CCDC30: variants seen among roughly 807,000 people sequenced by gnomAD.
CCDC30 encodes the protein coiled-coil domain containing 30.
CCDC30 carries 70 observed loss-of-function variants against 100.2 expected under a neutral mutation model. That is an observed-to-expected ratio of 0.70 (90% confidence interval 0.58 to 0.85). The LOEUF (loss-of-function observed/expected upper bound fraction) is 0.85. Ranked by LOEUF, CCDC30 falls within the 40% of genes least tolerant of loss-of-function variation. CCDC30 has a pLI of 0.00. For missense variants in CCDC30, 652 were observed against 771.2 expected, an observed-to-expected ratio of 0.85 and a Z score of 1.83; for synonymous variants, 233 against 269.5, an observed-to-expected ratio of 0.86 and a Z score of 1.33.
intron 6 of CCDC30, among the ~76,000 whole-genome samples, chr1:42,540,618 G>C (rs567022051): frequency 6.6e-6 from 1 of 151,334 alleles, no homozygotes; most frequent in African/African-American, 2.4e-5. Context: ...ACATGGTATC[G>C]TGTTTACCTT....
chr1:42,506,905 T>A (rs983921435), intron 6 of CCDC30, among the ~76,000 whole-genome samples: 5 of 152,192 alleles, frequency 3.3e-5, no homozygotes, highest in Non-Finnish European at 7.3e-5. Flanking sequence ...AAAGCCAAAA[T>A]TTATCCTTGC....
intron 1 of CCDC30, among the ~76,000 whole-genome samples, chr1:42,479,143 A>C (rs1159576262): frequency 6.6e-6 from 1 of 152,162 alleles, no homozygotes; most frequent in African/African-American, 2.4e-5. Flanking sequence ...TGGGAGGCCG[A>C]GTTGGGCGGA....
At chr1:42,620,339 G>A (rs1557461365) in intron 11 of CCDC30, among the ~76,000 whole-genome samples, 1 of 152,054 alleles carries the variant, frequency 6.6e-6, no homozygotes, top group Admixed American at 6.6e-5. Context: ...CCTGTGGCAC[G>A]TTTTGACCTG....
At chr1:42,507,692 T>C (rs1644416560) in intron 6 of CCDC30, among the ~76,000 whole-genome samples, 5 of 152,214 alleles carry the variant, frequency 3.3e-5, no homozygotes, top group African/African-American at 1.2e-4. Flanking sequence ...TAAGTTGTTT[T>C]GATTATGTAC....
chr1:42,608,579 T>C (rs1969826), intron 10 of CCDC30, among the ~76,000 whole-genome samples: 1 of 151,116 alleles, frequency 6.6e-6, no homozygotes, highest in African/African-American at 2.4e-5. Flanking sequence ...GGTGGGCGCC[T>C]GGGTAGTCCC....
intron 1 of CCDC30, chr1:42,473,488 C>T (rs1643833462): frequency 2.6e-6 from 1 of 389,508 alleles, no homozygotes; most frequent in Non-Finnish European, 4.5e-6. Context: ...ATTAAGACTC[C>T]ATGTATAGGA....
chr1:42,596,766 G>C lies in CCDC30; in HGVS notation c.1164+7283G>C, dbSNP rs1259360948. On this transcript the variant is annotated intron_variant, in intron 10 of 16. Coordinates refer to ENST00000668663, the Ensembl canonical transcript of CCDC30. This position sits in a 1 kb window ranked among gnomAD's most constrained non-coding sequence, Gnocchi z 4.3. ...ACAAACAAACAAACAAACAAAAACA[G>C]TTTGAACAGACAGAGCAAGCATTAG... 6.6e-6 allele frequency among the ~76,000 whole-genome samples: 1 copy of C among 151,854 alleles called. No homozygotes were observed. The highest frequency in any genetic ancestry group is 1.9e-4 in the East Asian group (1 of 5,192).
Position 42,613,624 on chromosome 1 carries a change from T to C in CCDC30, c.1277+2534T>C, listed in dbSNP as rs576688932. On this transcript the variant is annotated intron_variant, in intron 11 of 16. Transcript: ENST00000668663. ...GAGGGTTCCTCTTTTTTTTAGTCTA[T>C]ATAGGGTAATTTCCAGATGTTGCCA... Among the ~76,000 whole-genome samples the C allele has an allele frequency of 5.3e-5, 8 of 152,254 alleles. No homozygotes were observed. In the East Asian group the frequency reaches 5.8e-4, roughly 11 times the overall value.
intron 6 of CCDC30, chr1:42,537,423 T>C (rs937345040): frequency 6.1e-5 from 22 of 362,374 alleles, no homozygotes; most frequent in African/African-American, 4.3e-4. Context: ...AAATCAATTA[T>C]CATTTACCCT....
chr1:42,646,371 C>T (rs1487727341), intron 15 of CCDC30, 54 bp downstream of exon 19: 3 of 1,349,188 alleles, frequency 2.2e-6, no homozygotes, highest in Non-Finnish European at 1.9e-6. Flanking sequence ...TTCTGCCAGG[C>T]ACCCACTGTT....
chr1:42,618,229 CTTTTTTTTTTTTTTT>C (rs563022326), intron 11 of CCDC30, among the ~76,000 whole-genome samples: 2 of 90,464 alleles, frequency 2.2e-5, no homozygotes, highest in African/African-American at 9.1e-5. Context: ...CCAGTGATAT[CTTTTTTTTTTTTTTT>C]TTTTTTTTTG....
At chr1:42,483,222 C>T (rs1411387720) in intron 3 of CCDC30, among the ~76,000 whole-genome samples, 3 of 152,156 alleles carry the variant, frequency 2.0e-5, no homozygotes, top group South Asian at 2.1e-4. Context: ...TTTTGTTACA[C>T]GTAGCAGTTG....
chr1:42,477,224 T>C (rs141689262), intron 1 of CCDC30, among the ~76,000 whole-genome samples: 100 of 152,086 alleles, frequency 6.6e-4, no homozygotes, highest in African/African-American at 2.3e-3. Flanking sequence ...TGCCAACATG[T>C]GTTTTTCTTT....
At chr1:42,574,296 G>A (rs572944307) in intron 7 of CCDC30, among the ~76,000 whole-genome samples, 1 of 151,968 alleles carries the variant, frequency 6.6e-6, no homozygotes, top group Non-Finnish European at 1.5e-5. Context: ...ATAGTTATGA[G>A]AAGTCAAGTT....
chr1:42,645,016 TC>T (rs1647774744), intron 14 of CCDC30, among the ~76,000 whole-genome samples: 1 of 152,162 alleles, frequency 6.6e-6, no homozygotes, highest in Non-Finnish European at 1.5e-5. Context: ...AACTATCTCC[TC>T]CTGTGTGATC....
At chr1:42,493,947 C>A (rs930670434) in intron 4 of CCDC30, among the ~76,000 whole-genome samples, 1 of 152,180 alleles carries the variant, frequency 6.6e-6, no homozygotes, top group South Asian at 2.1e-4. Flanking sequence ...GACATCGTGG[C>A]TCATGCCTGT....
At chr1:42,621,872 TG>T (rs1225563653) in intron 11 of CCDC30, among the ~76,000 whole-genome samples, 3 of 151,908 alleles carry the variant, frequency 2.0e-5, no homozygotes, top group Non-Finnish European at 1.5e-5. Context: ...GTCTCGAACC[TG>T]TGTGCTCAAG....
At chr1:42,495,222 T>C (rs1273955608) in intron 4 of CCDC30, among the ~76,000 whole-genome samples, 1 of 151,278 alleles carries the variant, frequency 6.6e-6, no homozygotes, top group Non-Finnish European at 1.5e-5. Flanking sequence ...TGGATGAAAT[T>C]GGAAATCATC....
intron 6 of CCDC30, among the ~76,000 whole-genome samples, chr1:42,501,348 C>G (rs1031787458): frequency 4.6e-5 from 7 of 152,228 alleles, no homozygotes; most frequent in African/African-American, 1.7e-4. Context: ...CTTCTGGTCT[C>G]TGTATTCCAT....
Sources: gnomAD v4.1 joint callset for allele counts (sites outside exome capture counted in the v4.1 genomes callset) on GRCh38, gnomAD v4.1.1 for gene constraint, Gnocchi (gnomAD v3.1) non-coding constraint, MANE v1.5 for transcripts, NCBI Gene and HGNC (gene_info 2026-07-23, HGNC 2026-07-21) for gene names.